Variants in CTNNA3 observed in about 807,000 individuals in gnomAD.
The protein encoded by CTNNA3 is catenin alpha 3, also known as catenin alpha-3.
A neutral mutation model predicts 95.7 loss-of-function variants in CTNNA3; 76 were observed. That is an observed-to-expected ratio of 0.79 (90% confidence interval 0.66 to 0.96). The LOEUF is 0.96. Ranked by LOEUF, CTNNA3 falls within the 40% of genes least tolerant of loss-of-function variation. The pLI, the probability that CTNNA3 is intolerant of heterozygous loss-of-function variation, is 0.00. For missense variants in CTNNA3, 1,191 were observed against 1,089.8 expected, an observed-to-expected ratio of 1.09 and a Z score of -1.31; for synonymous variants, 431 against 374.4, an observed-to-expected ratio of 1.15 and a Z score of -1.74.
chr10:67,306,242 C>T (rs184776069), intron 5 of CTNNA3, among the ~76,000 whole-genome samples: 3 of 152,100 alleles, frequency 2.0e-5, no homozygotes, highest in East Asian at 1.9e-4. Flanking sequence ...TTCATCAGAA[C>T]GAGCTAATAA....
intron 10 of CTNNA3, among the ~76,000 whole-genome samples, chr10:66,532,384 C>A (rs190236140): frequency 0.037 from 5,636 of 151,872 alleles, 158 homozygotes; most frequent in Non-Finnish European, 0.056. Flanking sequence ...ATGGCATGAA[C>A]CTGGGAGGCG....
At chr10:66,548,207 G>A (rs758750385) in intron 10 of CTNNA3, among the ~76,000 whole-genome samples, 6 of 152,036 alleles carry the variant, frequency 3.9e-5, no homozygotes, top group Non-Finnish European at 8.8e-5. Context: ...GTGAGACACC[G>A]TGCCTGGCTG....
At chr10:67,037,744 G>T (rs1267402515) in intron 7 of CTNNA3, among the ~76,000 whole-genome samples, 1 of 152,136 alleles carries the variant, frequency 6.6e-6, no homozygotes, top group African/African-American at 2.4e-5. Context: ...AGAGGAGGAG[G>T]AATCAAGAAT....
chr10:67,627,346 T>C (rs1838992782), intron 2 of CTNNA3, among the ~76,000 whole-genome samples: 1 of 152,136 alleles, frequency 6.6e-6, no homozygotes, highest in African/African-American at 2.4e-5. Flanking sequence ...ACATGGGTAC[T>C]CAGAACCCAG....
chr10:66,430,029 T>A (rs2093280321), intron 11 of CTNNA3, among the ~76,000 whole-genome samples: 1 of 132,098 alleles, frequency 7.6e-6, no homozygotes, highest in Non-Finnish European at 1.6e-5. Context: ...AAAATCTCCT[T>A]AAGCTGATAA....
chr10:66,732,481 C>T (rs1848993374), intron 9 of CTNNA3, among the ~76,000 whole-genome samples: 1 of 152,164 alleles, frequency 6.6e-6, no homozygotes, highest in Non-Finnish European at 1.5e-5. Flanking sequence ...TTAATCGACT[C>T]ACAGTTCAGC....
At chr10:67,258,737 A>G (rs1866461028) in intron 5 of CTNNA3, among the ~76,000 whole-genome samples, 1 of 152,150 alleles carries the variant, frequency 6.6e-6, no homozygotes, top group South Asian at 2.1e-4. Flanking sequence ...AAAAACATTC[A>G]TTGTATCAAT....
At chr10:67,630,319 G>A (rs541383765) in intron 2 of CTNNA3, among the ~76,000 whole-genome samples, 6 of 152,214 alleles carry the variant, frequency 3.9e-5, no homozygotes. Context: ...ATAGAGGATT[G>A]ACATATGTCA....
intron 6 of CTNNA3, among the ~76,000 whole-genome samples, chr10:67,211,593 G>A (rs111326026): frequency 0.015 from 2,224 of 152,178 alleles, 40 homozygotes; most frequent in Admixed American, 0.061. Context: ...TATGTACCTG[G>A]CAACTTGCTA....
chr10:66,588,732 A>G (rs1195081474), intron 10 of CTNNA3, among the ~76,000 whole-genome samples: 1 of 152,158 alleles, frequency 6.6e-6, no homozygotes, highest in Non-Finnish European at 1.5e-5. Flanking sequence ...TTTGGATGGG[A>G]ATAAAAGACA....
chr10:66,652,198 T>C (rs1845934883), intron 9 of CTNNA3, among the ~76,000 whole-genome samples: 1 of 143,152 alleles, frequency 7.0e-6, no homozygotes, highest in Non-Finnish European at 1.5e-5. Context: ...GAGAAAATGA[T>C]AGAAAAAAAA....
chr10:66,769,751 T>G (rs1475011407), intron 8 of CTNNA3, among the ~76,000 whole-genome samples: 1 of 152,202 alleles, frequency 6.6e-6, no homozygotes, highest in Admixed American at 6.5e-5. Flanking sequence ...ATTCCTACCC[T>G]CCATCCATTA....
chr10:66,096,578 A>T (rs962021014), intron 14 of CTNNA3, among the ~76,000 whole-genome samples: 4 of 140,740 alleles, frequency 2.8e-5, no homozygotes, highest in African/African-American at 1.1e-4. Context: ...GCTGGAGTGC[A>T]GTGGACACAA....
At chr10:66,976,270 T>C (rs192311642) in intron 7 of CTNNA3, among the ~76,000 whole-genome samples, 5 of 152,236 alleles carry the variant, frequency 3.3e-5, no homozygotes, top group Admixed American at 1.3e-4. Flanking sequence ...GGCACTAATA[T>C]AGGGAATCAG....
chr10:67,389,001 A>G (rs1844325119), intron 5 of CTNNA3, among the ~76,000 whole-genome samples: 1 of 151,980 alleles, frequency 6.6e-6, no homozygotes, highest in Non-Finnish European at 1.5e-5. Context: ...AACTGCATCA[A>G]CTAACGAGCA....
chr10:67,547,867 C>T (rs781077754), intron 3 of CTNNA3, among the ~76,000 whole-genome samples: 2 of 152,154 alleles, frequency 1.3e-5, no homozygotes, highest in Non-Finnish European at 2.9e-5. Context: ...CAAAACATTG[C>T]TGACAAATTA....
chr10:67,097,056 G>A (rs977094913), intron 7 of CTNNA3, among the ~76,000 whole-genome samples: 10 of 151,800 alleles, frequency 6.6e-5, no homozygotes, highest in Non-Finnish European at 1.3e-4. Flanking sequence ...CATCATATAG[G>A]AACTTGTAAG....
chr10:66,076,322 C>A (rs1324777392), intron 14 of CTNNA3, among the ~76,000 whole-genome samples: 3 of 151,428 alleles, frequency 2.0e-5, no homozygotes, highest in East Asian at 1.9e-4. Context: ...AAAAATTCAA[C>A]CTAATTAAAA....
At chr10:66,993,714 T>C (rs911639041) in intron 7 of CTNNA3, among the ~76,000 whole-genome samples, 2 of 149,278 alleles carry the variant, frequency 1.3e-5, no homozygotes, top group Admixed American at 1.3e-4. Context: ...AAAAAACAGA[T>C]AAAACCTCCA....
Sources: gnomAD v4.1 joint callset for allele counts (sites outside exome capture counted in the v4.1 genomes callset) on GRCh38, gnomAD v4.1.1 for gene constraint, MANE v1.5 for transcripts, NCBI Gene and HGNC (gene_info 2026-07-23, HGNC 2026-07-21) for gene names.